The following CTNNA2 variants were observed in gnomAD, a reference collection of about 807,000 sequenced individuals.
CTNNA2 encodes the protein catenin alpha-2.
A neutral mutation model predicts 101.0 loss-of-function variants in CTNNA2; 42 were observed. The ratio of observed to expected loss-of-function variants is 0.42; its 90% CI spans 0.32 to 0.54. The LOEUF (loss-of-function observed/expected upper bound fraction) is 0.54. Among genes scored for constraint, CTNNA2 ranks in the 20% least tolerant of loss-of-function variants. The pLI, the probability that CTNNA2 is intolerant of heterozygous loss-of-function variation, is 0.14. For missense variants in CTNNA2, 871 were observed against 1,223.1 expected, an observed-to-expected ratio of 0.71 and a Z score of 4.29; for synonymous variants, 450 against 456.4, an observed-to-expected ratio of 0.99 and a Z score of 0.18.
chr2:79,801,000 C>A (rs1054211535), intron 3 of CTNNA2, among the ~76,000 whole-genome samples: 2 of 152,126 alleles, frequency 1.3e-5, no homozygotes, highest in Admixed American at 1.3e-4. Context: ...GACATTTTAA[C>A]CCAGCAATAC....
chr2:80,570,979 T>G (rs1694538280), intron 12 of CTNNA2, among the ~76,000 whole-genome samples: 1 of 152,092 alleles, frequency 6.6e-6, no homozygotes, highest in Non-Finnish European at 1.5e-5. Flanking sequence ...CTTTCTCCTC[T>G]CACCCTTGCG....
chr2:79,412,603 G>A (rs988789282), intron 4 of CTNNA2, among the ~76,000 whole-genome samples: 8 of 151,716 alleles, frequency 5.3e-5, no homozygotes, highest in South Asian at 4.2e-4. Flanking sequence ...ACTCAAAACC[G>A]CTCAACTACA....
chr2:80,107,362 G>A (rs541791525), intron 7 of CTNNA2, among the ~76,000 whole-genome samples: 57 of 152,000 alleles, frequency 3.8e-4, no homozygotes, highest in Non-Finnish European at 7.4e-5. Flanking sequence ...CTTGATTTCA[G>A]GGGGATGGTT....
At chr2:80,060,893 A>T (rs1697555868) in intron 7 of CTNNA2, among the ~76,000 whole-genome samples, 1 of 152,160 alleles carries the variant, frequency 6.6e-6, no homozygotes, top group South Asian at 2.1e-4. Context: ...TGCTTTGCCC[A>T]GGGTTATATG....
intron 9 of CTNNA2, among the ~76,000 whole-genome samples, chr2:80,490,346 C>G (rs541134983): frequency 1.8e-4 from 23 of 129,948 alleles, no homozygotes; most frequent in African/African-American, 6.5e-4. Context: ...AGTTTCTGGT[C>G]TCTAACACAG....
At chr2:80,286,356 T>C (rs1674767395) in intron 7 of CTNNA2, among the ~76,000 whole-genome samples, 1 of 152,158 alleles carries the variant, frequency 6.6e-6, no homozygotes, top group African/African-American at 2.4e-5. Flanking sequence ...AACACTAGTC[T>C]GGACTCTGTT....
At chr2:80,070,898 G>A (rs973007748) in intron 7 of CTNNA2, among the ~76,000 whole-genome samples, 2 of 151,988 alleles carry the variant, frequency 1.3e-5, no homozygotes, top group African/African-American at 2.4e-5. Flanking sequence ...CATTGCCTTC[G>A]CTGTGGTCTC....
intron 9 of CTNNA2, among the ~76,000 whole-genome samples, chr2:80,498,034 T>C (rs1447742327): frequency 6.6e-6 from 1 of 152,170 alleles, no homozygotes; most frequent in Non-Finnish European, 1.5e-5. Flanking sequence ...GTCCCTATAT[T>C]TCTATTTATT....
chr2:79,384,185 A>T (rs1366318667), intron 4 of CTNNA2, among the ~76,000 whole-genome samples: 1 of 152,202 alleles, frequency 6.6e-6, no homozygotes, highest in Non-Finnish European at 1.5e-5. Context: ...TTGCAGACCC[A>T]TCTTTCATGC....
intron 7 of CTNNA2, among the ~76,000 whole-genome samples, chr2:80,193,997 G>A (rs1221111221): frequency 6.6e-6 from 1 of 152,122 alleles, no homozygotes; most frequent in Admixed American, 6.5e-5. Flanking sequence ...CATTAAAATT[G>A]TATTATTCTA....
intron 2 of CTNNA2, among the ~76,000 whole-genome samples, chr2:79,227,659 A>G (rs1276808375): frequency 1.3e-5 from 2 of 152,334 alleles, no homozygotes; most frequent in South Asian, 2.1e-4. Context: ...AGTGTGAAAT[A>G]GCATTATGTC....
chr2:79,549,588 A>T (rs902994805), intron 1 of CTNNA2, among the ~76,000 whole-genome samples: 5 of 152,180 alleles, frequency 3.3e-5, no homozygotes, highest in African/African-American at 9.6e-5. Context: ...TTGGAAAATG[A>T]TATGTTAATC....
At chr2:80,067,806 C>G (rs978143156) in intron 7 of CTNNA2, among the ~76,000 whole-genome samples, 7 of 152,310 alleles carry the variant, frequency 4.6e-5, no homozygotes, top group Non-Finnish European at 8.8e-5. Flanking sequence ...CAAAGCTGTG[C>G]AGACTTCCAT....
chr2:79,523,411 C>A, intron 1 of CTNNA2: 1 of 206,536 alleles, frequency 4.8e-6, no homozygotes. Context: ...GATATCTCCA[C>A]ACTGGCTCAA....
At chr2:80,306,534 A>G (rs1677042232) in intron 7 of CTNNA2, among the ~76,000 whole-genome samples, 1 of 150,480 alleles carries the variant, frequency 6.6e-6, no homozygotes, top group Non-Finnish European at 1.5e-5. Context: ...CTAACTCTGG[A>G]TCAGGCATTT....
intron 7 of CTNNA2, among the ~76,000 whole-genome samples, chr2:80,070,805 G>A (rs1020766855): frequency 8.5e-5 from 13 of 152,112 alleles, no homozygotes; most frequent in African/African-American, 3.1e-4. Flanking sequence ...CTCTAGGGGG[G>A]AATCTCATCT....
chr2:80,522,517 T>A (rs1286851614), intron 9 of CTNNA2, among the ~76,000 whole-genome samples: 1 of 152,216 alleles, frequency 6.6e-6, no homozygotes, highest in Non-Finnish European at 1.5e-5. Context: ...GTGACGGGAC[T>A]TTAATTGCCG....
chr2:79,966,806 A>C (rs1690096820), intron 7 of CTNNA2, among the ~76,000 whole-genome samples: 1 of 152,112 alleles, frequency 6.6e-6, no homozygotes, highest in African/African-American at 2.4e-5. Flanking sequence ...CCTTTATTGC[A>C]ACTTTTTTTA....
At chr2:80,161,509 GAA>G (rs1275476416) in intron 7 of CTNNA2, among the ~76,000 whole-genome samples, 3 of 151,898 alleles carry the variant, frequency 2.0e-5, no homozygotes, top group Non-Finnish European at 2.9e-5. Flanking sequence ...TTTAAAATTA[GAA>G]AACGTTAAGA....
Sources: allele counts gnomAD v4.1 joint callset (sites outside exome capture counted in the v4.1 genomes callset), GRCh38; gene constraint gnomAD v4.1.1; transcripts MANE v1.5; gene names NCBI Gene and HGNC (gene_info 2026-07-23, HGNC 2026-07-21).